Variants in IGFBPL1 observed in about 807,000 individuals in gnomAD.
The protein encoded by IGFBPL1 is insulin-like growth factor-binding protein-like 1.
Under a neutral mutation model 23.9 loss-of-function variants are expected in IGFBPL1, and 20 were observed. The observed-to-expected ratio is 0.84, with a 90% CI of 0.59 to 1.22. IGFBPL1 has a LOEUF of 1.22. IGFBPL1 is among the 50% of genes most tolerant of loss of function. The probability of loss-of-function intolerance (pLI) is 0.00; values close to 1 mark genes in which losing one functional copy is unlikely to be tolerated. For synonymous variants in IGFBPL1, 184 were observed against 171.8 expected (o/e 1.07, Z -0.56); for missense variants, 436 against 379.3 (o/e 1.15, Z -1.24).
chr9:38,412,372 A>G (rs529877702), intron 3 of IGFBPL1, among the ~76,000 whole-genome samples: 36 of 152,238 alleles, frequency 2.4e-4, no homozygotes, highest in African/African-American at 8.7e-4. Flanking sequence ...CCCTCTTTCA[A>G]CAACAGTGGA....
Position 38,424,366 on chromosome 9 carries a change from GGCA to G in IGFBPL1, c.56_58del (p.Leu19del). On this transcript the variant is annotated inframe_deletion, in exon 1 of 5. Coordinates refer to ENST00000377694, the MANE Select transcript of IGFBPL1 (RefSeq NM_001007563.3). ...GATCCCAAGGCTCGGGGACAGCGGCGGCAGCAGCGGCAGCAGCAGCAGAAGCAG... is the reference window on the plus strand; with the variant it reads ...GATCCCAAGGCTCGGGGACAGCGGCGGCAGCGGCAGCAGCAGCAGAAGCAG... The G allele has an allele frequency of 2.9e-6, 2 of 683,692 alleles. No homozygotes were observed. Among genetic ancestry groups the G allele is most frequent in the Non-Finnish European group, 4.9e-6 (2 of 411,156 alleles). The allele number at this position is 683,692 out of a possible 1,614,324, so 42.4% of individuals were successfully genotyped here.
rs1177933752 is a variant in IGFBPL1, at chr9:38,424,079, C to G, written c.346G>C (p.Gly116Arg). The G allele has an allele frequency of 7.9e-6, 11 of 1,394,104 alleles. No homozygotes were observed. Among genetic ancestry groups the G allele is most frequent in the Non-Finnish European group, 1.0e-5 (11 of 1,079,530 alleles). 86.4% of individuals were successfully genotyped at this position (1,394,104 alleles called of 1,614,324 possible). A position where few individuals can be genotyped will look rare whatever the true frequency, so the allele number is the denominator to read the frequency against. ...CVCAQRGTVC[G>R]SDGRSYPSVC... The stretch of plus-strand genomic sequence containing the variant: ...CTGGGGTACGAGCGACCGTCGGAGC[C>G]GCAGACGGTGCCGCGCTGCGCGCAC... The change falls in exon 1 of 5, where the codon GGC becomes CGC. Residue 116 changes from glycine to arginine, a missense_variant. Transcript: ENST00000377694.
rs1454517478 is a variant in IGFBPL1 at position 38,411,576 on chromosome 9, C to T, written c.688-27G>A. ...TAGAAATACAACAGGCAAGTTTATA[C>T]AGTTATATAAGGAACAGCAAAATGA... On this transcript the variant is annotated intron_variant, in intron 3 of 4. Transcript: ENST00000377694. 3.1e-6 allele frequency: 5 copies of T among 1,607,400 alleles called. No individual in the cohort carries two copies. The African/African-American group carries it at 5.4e-5, about 17-fold the overall frequency.
chr9:38,414,033 T>TCTCA lies in IGFBPL1; in HGVS notation c.570+60_570+61insTGAG, dbSNP rs5897733. On this transcript the variant is annotated intron_variant, in intron 2 of 4. Coordinates refer to ENST00000377694, the MANE Select transcript of IGFBPL1 (RefSeq NM_001007563.3). ...ACTCACGTCTGTTTCTCCCTCTTTCTCACACACACACACACACACACACAC... is the reference window on the plus strand; with the variant it reads ...ACTCACGTCTGTTTCTCCCTCTTTCTCTCACACACACACACACACACACACACAC... The TCTCA allele has an allele frequency of 1.0e-3, 765 of 760,672 alleles. 6 individuals are homozygous for TCTCA. Among genetic ancestry groups the TCTCA allele is most frequent in the Admixed American group, 6.4e-3 (303 of 47,256 alleles). 47.1% of individuals were successfully genotyped at this position (760,672 alleles called of 1,614,324 possible).
At chr9:38,419,152 CCT>C (rs1348935543) in intron 1 of IGFBPL1, among the ~76,000 whole-genome samples, 1 of 151,960 alleles carries the variant, frequency 6.6e-6, no homozygotes. Flanking sequence ...TTCCCAAATC[CCT>C]CTGAGATTTC....
At chr9:38,421,825 G>A (rs889660902) in intron 1 of IGFBPL1, among the ~76,000 whole-genome samples, 1 of 152,230 alleles carries the variant, frequency 6.6e-6, no homozygotes, top group Admixed American at 6.5e-5. Flanking sequence ...GAGAGTGACA[G>A]GCAAACAGTG....
chr9:38,417,188 G>A (rs1245593209), intron 1 of IGFBPL1, among the ~76,000 whole-genome samples: 1 of 152,148 alleles, frequency 6.6e-6, no homozygotes, highest in African/African-American at 2.4e-5. Flanking sequence ...AGATGGTGGC[G>A]CTGCCCTGGG....
intron 1 of IGFBPL1, among the ~76,000 whole-genome samples, chr9:38,418,629 C>A (rs1483471388): frequency 6.6e-6 from 1 of 152,192 alleles, no homozygotes; most frequent in Non-Finnish European, 1.5e-5. Flanking sequence ...TCCTTTCTGC[C>A]TGCCTTTCAC....
rs780830068 is a variant in IGFBPL1, at chr9:38,414,127, C to T, written c.537G>A (p.Arg179=). 2.6e-5 allele frequency: 42 copies of T among 1,612,880 alleles called. No individual in the cohort carries two copies. Among genetic ancestry groups the T allele is most frequent in the Non-Finnish European group, 3.4e-5 (40 of 1,179,602 alleles). Residue 179 remains arginine, a synonymous_variant, in exon 2 of 5, where the codon AGG becomes AGA. Transcript: ENST00000377694. The part of the protein sequence containing the change: ...GAQVGLSCEV[R]AVPTPVITWR... ...ACGTGATGACTGGGGTAGGCACAGC[C>T]CTCACTTCACAGGACAGGCCCACCT... is the stretch of plus-strand genomic sequence containing the variant.
intron 1 of IGFBPL1, among the ~76,000 whole-genome samples, chr9:38,423,550 T>C (rs552164433): frequency 1.2e-3 from 176 of 151,384 alleles, no homozygotes; most frequent in Non-Finnish European, 2.3e-3. Context: ...TCAACTTCCC[T>C]TCCTCCCCTA....
At chr9:38,423,904 C>A in intron 1 of IGFBPL1, 61 bp downstream of exon 1, 1 of 1,290,786 alleles carries the variant, frequency 7.7e-7, no homozygotes, top group Non-Finnish European at 9.8e-7. Flanking sequence ...TCCTTCGCTC[C>A]ACACCCCAGA....
At position 38,408,489 on chromosome 9, in the gene IGFBPL1, C is replaced by T. The variant is rs879933297; in HGVS notation, c.*738G>A. Among the ~76,000 whole-genome samples the T allele has an allele frequency of 6.6e-6, 1 of 152,148 alleles. No homozygotes were observed. The highest frequency in any genetic ancestry group is 1.5e-5 in the Non-Finnish European group (1 of 68,026). On this transcript the variant is annotated 3_prime_UTR_variant, in exon 5 of 5. Coordinates refer to ENST00000377694, the MANE Select transcript of IGFBPL1 (RefSeq NM_001007563.3). ...AAATGGATGCTCTGGTCTCCAAAGA[C>T]CCAGCCAAGGCGCTCCTGAGTCTGG... is the stretch of plus-strand genomic sequence containing the variant.
intron 1 of IGFBPL1, among the ~76,000 whole-genome samples, chr9:38,417,380 C>A (rs531224142): frequency 6.6e-6 from 1 of 152,322 alleles, no homozygotes; most frequent in South Asian, 2.1e-4. Context: ...ATCCCCATTT[C>A]ACAGATGAGA....
At chr9:38,423,013 G>A (rs1821703532) in intron 1 of IGFBPL1, among the ~76,000 whole-genome samples, 2 of 152,130 alleles carry the variant, frequency 1.3e-5, no homozygotes, top group Admixed American at 1.3e-4. Context: ...CAGGCTCCTT[G>A]GGACTCACTG....
Position 38,424,205 on chromosome 9 carries a change from C to A in IGFBPL1, c.220G>T (p.Gly74Cys). 1 of 1,173,102 alleles carries A rather than the reference C, an allele frequency of 8.5e-7. No individual in the cohort carries two copies. The highest frequency in any genetic ancestry group is 1.1e-6 in the Non-Finnish European group (1 of 951,470). The allele number at this position is 1,173,102 out of a possible 1,614,324, so 72.7% of individuals were successfully genotyped here. A position where few individuals can be genotyped will look rare whatever the true frequency, so the allele number is the denominator to read the frequency against. The change falls in exon 1 of 5, where the codon GGC becomes TGC. Residue 74 changes from glycine (G) to cysteine (C), a missense_variant. Transcript: ENST00000377694. ...GCCARCLGAE[G>C]ASCGGRAGGR... is the part of the protein sequence containing the mutation. The stretch of plus-strand genomic sequence containing the variant: ...CCGGCGCGGCCCCCGCAGCTCGCGC[C>A]CTCGGCTCCCAGGCAGCGGGCGCAG...
chr9:38,417,411 A>G (rs1279443330), intron 1 of IGFBPL1, among the ~76,000 whole-genome samples: 1 of 152,220 alleles, frequency 6.6e-6, no homozygotes, highest in Non-Finnish European at 1.5e-5. Context: ...TCAGAAAGGT[A>G]AAGTGCCCAG....
chr9:38,406,778 C>G lies in IGFBPL1; in HGVS notation c.*2449G>C, dbSNP rs1433411324. 9.5e-6 allele frequency among the ~76,000 whole-genome samples: 1 copy of G among 105,506 alleles called. No individual in the cohort carries two copies. Among genetic ancestry groups the G allele is most frequent in the Non-Finnish European group, 2.0e-5 (1 of 49,040 alleles). The allele number at this position is 105,506 out of a possible 152,430, so 69.2% of individuals were successfully genotyped here. On this transcript the variant is annotated 3_prime_UTR_variant, in exon 5 of 5. Transcript: ENST00000377694. ...TTTTGGTTTTGGTGAAAATTTCAGA[C>G]AGTGTGACATTAATTATTTGTCTTT...
At chr9:38,420,880 C>G (rs1821669684) in intron 1 of IGFBPL1, among the ~76,000 whole-genome samples, 1 of 152,196 alleles carries the variant, frequency 6.6e-6, no homozygotes, top group Non-Finnish European at 1.5e-5. Context: ...TACACTGGAG[C>G]CCTTTCACAG....
intron 1 of IGFBPL1, among the ~76,000 whole-genome samples, chr9:38,421,870 C>G (rs1488512314): frequency 6.6e-6 from 1 of 152,124 alleles, no homozygotes; most frequent in Non-Finnish European, 1.5e-5. Flanking sequence ...AAGGCTGGTG[C>G]GGAAGAAGGG....
Sources: allele counts gnomAD v4.1 joint callset (sites outside exome capture counted in the v4.1 genomes callset), GRCh38; gene constraint gnomAD v4.1.1; transcripts MANE v1.5; gene names NCBI Gene and HGNC (gene_info 2026-07-23, HGNC 2026-07-21).